The following POGK variants were observed in gnomAD, a reference collection of about 807,000 sequenced individuals.
POGK encodes the protein pogo transposable element derived with KRAB domain.
Under a neutral mutation model 54.4 loss-of-function variants are expected in POGK, and 16 were observed. That is an observed-to-expected ratio of 0.29 (90% CI 0.20 to 0.45). POGK has a LOEUF of 0.45. Among genes scored for constraint, POGK ranks in the 20% least tolerant of loss-of-function variants. The probability of loss-of-function intolerance (pLI) is 1.00; values close to 1 mark genes in which losing one functional copy is unlikely to be tolerated. For synonymous variants in POGK, 271 were observed against 302.2 expected (o/e 0.90, Z 1.07); for missense variants, 515 against 795.6 (o/e 0.65, Z 4.24).
rs1306487257 is a variant in POGK, at chr1:166,846,695, C to T, written c.216C>T (p.Tyr72=). Residue 72 remains tyrosine (Y), a synonymous_variant, in exon 3 of 6, where the codon TAC becomes TAT. Coordinates refer to ENST00000367876, the MANE Select transcript of POGK (RefSeq NM_017542.5). ...EVLTEQQKAL[Y]REVMRMNYET... is the part of the protein sequence containing the mutation. The stretch of plus-strand genomic sequence containing the variant: ...TGACGGAGCAACAAAAGGCCCTCTA[C>T]CGGGAAGTCATGAGGATGAATTATG... The T allele has an allele frequency of 6.2e-7, 1 of 1,614,044 alleles. No homozygotes were observed. The highest frequency in any genetic ancestry group is 1.3e-5 in the African/African-American group (1 of 74,896).
rs1182668742 is a variant in POGK, at chr1:166,849,573, C to G, written c.994C>G (p.Pro332Ala). 4.3e-6 allele frequency: 7 copies of G among 1,614,162 alleles called. No homozygotes were observed. The African/African-American group carries it at 9.3e-5, about 22-fold the overall frequency. ...TAAAGTGCCCGTGCCCCAGCACCTG[C>G]CGGAAGACCTGACTGAGAAACTCGT... ...RHKVPVPQHL[P>A]EDLTEKLVTY... is the part of the protein sequence containing the mutation. The change falls in exon 5 of 6, where the codon CCG (proline) becomes GCG (alanine). Residue 332 changes from proline to alanine, a missense_variant. Physicochemically the swap from Pro to Ala is conservative, Grantham distance 27. Transcript: ENST00000367876.
intron 2 of POGK, among the ~76,000 whole-genome samples, chr1:166,844,197 G>T (rs1157623662): frequency 1.3e-5 from 2 of 152,190 alleles, no homozygotes; most frequent in Non-Finnish European, 2.9e-5. Flanking sequence ...TCTTCCTGCA[G>T]CTTCAGGGCT....
chr1:166,844,624 A>G (rs764039067), intron 2 of POGK, among the ~76,000 whole-genome samples: 9 of 152,238 alleles, frequency 5.9e-5, no homozygotes, highest in African/African-American at 1.9e-4. Flanking sequence ...GAGAAGGGAA[A>G]TCCAGAGATT....
rs908874759 is a variant in POGK, at chr1:166,854,249, G to A, written c.*1679G>A. The A allele has an allele frequency of 6.6e-6, 1 of 152,620 alleles. No homozygotes were observed. The highest frequency in any genetic ancestry group is 2.4e-5 in the African/African-American group (1 of 41,444). The allele number at this position is 152,620 out of a possible 1,614,324, so 9.5% of individuals were successfully genotyped here. On this transcript the variant is annotated 3_prime_UTR_variant, in exon 6 of 6. Coordinates refer to ENST00000367876, the MANE Select transcript of POGK (RefSeq NM_017542.5). Reference sequence around the variant, plus strand: ...GCTGAGCGATGATGCCTTACAGGTTGCATAGCACTGGAACTTTCCTAGAGT... The same window carrying A: ...GCTGAGCGATGATGCCTTACAGGTTACATAGCACTGGAACTTTCCTAGAGT...
rs1658215853 is a variant in POGK, at chr1:166,854,653, T to C, written c.*2083T>C. On this transcript the variant is annotated 3_prime_UTR_variant, in exon 6 of 6. Transcript: ENST00000367876. ...CTGTGAAGACACAGGGAAGAACGTG[T>C]GCAGTGGGGCAAGTTTGACATAAAT... is the stretch of plus-strand genomic sequence containing the variant. 1.3e-5 allele frequency: 2 copies of C among 152,362 alleles called. No homozygotes were observed. Among genetic ancestry groups the C allele is most frequent in the Middle Eastern group, 3.4e-3 (1 of 294 alleles). 9.4% of individuals were successfully genotyped at this position (152,362 alleles called of 1,614,324 possible).
intron 5 of POGK, chr1:166,852,174 C>T (rs1326642844): frequency 6.6e-6 from 1 of 152,230 alleles, no homozygotes; most frequent in Non-Finnish European, 1.5e-5. Context: ...AACTGAATTA[C>T]ATTGAGTTTC....
chr1:166,849,773 C>G lies in POGK; in HGVS notation c.1194C>G (p.Ile398Met). The G allele has an allele frequency of 1.2e-6, 2 of 1,614,272 alleles. No individual in the cohort carries two copies. Among genetic ancestry groups the G allele is most frequent in the Non-Finnish European group, 1.7e-6 (2 of 1,180,062 alleles). Residue 398 changes from isoleucine to methionine, a missense_variant, in exon 5 of 6, where the codon ATC (isoleucine) becomes ATG (methionine). Ile to Met is a conservative substitution (Grantham distance 10, BLOSUM62 1). Transcript: ENST00000367876. The stretch of plus-strand genomic sequence containing the variant: ...CACCAGGCAGGGAAAAACTGAAAAT[C>G]ACAGCAATGCTTGGTGTCTTGGCTG... Reference protein sequence around the residue: ...VKTPGREKLKITAMLGVLADG... With the variant: ...VKTPGREKLKMTAMLGVLADG...
rs368794112 is a variant in POGK at position 166,850,241 on chromosome 1, G to T, written c.1662G>T (p.Ala554=). 2.6e-6 allele frequency: 4 copies of T among 1,559,608 alleles called. No individual in the cohort carries two copies. In the Admixed American group the frequency reaches 5.8e-5, roughly 23 times the overall value. The change falls in exon 5 of 6, where the codon GCG becomes GCT. Residue 554 remains alanine, a synonymous_variant. Coordinates refer to ENST00000367876, the MANE Select transcript of POGK (RefSeq NM_017542.5). ...TCTTTCTGGAGTGGGTCATGGTCGC[G>T]TGGAATAGCATCTCAAGTGAGTCCA... ...LGLFLEWVMV[A]WNSISSESIV...
rs1375051895 is a variant in POGK, at chr1:166,853,953, C to T, written c.*1383C>T. ...GTTGCCCCATTTGCTTTTACCTGTA[C>T]TGTATTCTTGGTCATCTCAAATGGC... On this transcript the variant is annotated 3_prime_UTR_variant, in exon 6 of 6. Transcript: ENST00000367876. 6.6e-6 allele frequency: 1 copy of T among 152,216 alleles called. No homozygotes were observed. The highest frequency in any genetic ancestry group is 1.5e-5 in the Non-Finnish European group (1 of 68,052). The allele number at this position is 152,216 out of a possible 1,614,324, so 9.4% of individuals were successfully genotyped here. A position where few individuals can be genotyped will look rare whatever the true frequency, so the allele number is the denominator to read the frequency against.
In POGK at chr1:166,849,027, T is replaced by C; in HGVS notation, c.448T>C (p.Phe150Leu). 1 of 1,614,188 alleles carries C rather than the reference T, an allele frequency of 6.2e-7. No homozygotes were observed. Among genetic ancestry groups the C allele is most frequent in the East Asian group, 2.2e-5 (1 of 44,864 alleles). Reference protein sequence around the residue: ...QFPQPQHFDSFGLRLPRDITE... With the variant: ...QFPQPQHFDSLGLRLPRDITE... Reference sequence around the variant, plus strand: ...TCCTCAGCCTCAGCACTTTGACAGCTTTGGCCTCCGTCTGCCTCGGGATAT... The same window carrying C: ...TCCTCAGCCTCAGCACTTTGACAGCCTTGGCCTCCGTCTGCCTCGGGATAT... Residue 150 changes from phenylalanine (F) to leucine (L), a missense_variant, in exon 5 of 6, where the codon TTT (phenylalanine) becomes CTT (leucine). Physicochemically the swap from Phe to Leu is conservative, Grantham distance 22 (BLOSUM62 0). Around this residue, in one of 2 missense-constraint regions of POGK, gnomAD observed 461 missense variants for 743.5 expected, o/e 0.62. Coordinates refer to ENST00000367876, the MANE Select transcript of POGK (RefSeq NM_017542.5).
At chr1:166,847,871 TA>T (rs754157400) in intron 4 of POGK, among the ~76,000 whole-genome samples, 4 of 152,182 alleles carry the variant, frequency 2.6e-5, no homozygotes, top group African/African-American at 4.8e-5. Flanking sequence ...GCATTTGGTC[TA>T]GTGCACCTTC....
Position 166,849,108 on chromosome 1 carries a change from C to T in POGK, c.529C>T (p.Pro177Ser), listed in dbSNP as rs781090181. 6.2e-7 allele frequency: 1 copy of T among 1,614,142 alleles called. No homozygotes were observed. Among genetic ancestry groups the T allele is most frequent in the Non-Finnish European group, 8.5e-7 (1 of 1,180,022 alleles). Residue 177 changes from proline (P) to serine (S), a missense_variant, in exon 5 of 6, where the codon CCA becomes TCA. Pro to Ser is a moderately conservative substitution (Grantham distance 74). Around this residue, in one of 2 missense-constraint regions of POGK, gnomAD observed 461 missense variants for 743.5 expected, o/e 0.62. Transcript: ENST00000367876. ...GYPFYMAMGF[P>S]GYDLSADDIA... ...CCCCTTCTACATGGCCATGGGCTTC[C>T]CAGGGTATGACCTCTCGGCTGATGA...
chr1:166,844,376 A>T (rs1457919367), intron 2 of POGK, among the ~76,000 whole-genome samples: 1 of 152,222 alleles, frequency 6.6e-6, no homozygotes, highest in Non-Finnish European at 1.5e-5. Flanking sequence ...GGGAGAAAAA[A>T]AGGCCAAAGA....
At chr1:166,842,132 C>T (rs761066213) in intron 2 of POGK, among the ~76,000 whole-genome samples, 3 of 152,174 alleles carry the variant, frequency 2.0e-5, no homozygotes, top group Non-Finnish European at 2.9e-5. Flanking sequence ...TCCAAGCAGG[C>T]GTCAGGTCTA....
rs1658246911 is a variant in POGK at position 166,855,601 on chromosome 1, A to G, written c.*3031A>G. On this transcript the variant is annotated 3_prime_UTR_variant, in exon 6 of 6. Transcript: ENST00000367876. ...ATGGAGAGCAGATAGTAGAGTGTAG[A>G]CCTGAAATACATGAGGCAAAGGCAG... is the stretch of plus-strand genomic sequence containing the variant. 1 of 152,268 alleles carries G rather than the reference A, an allele frequency of 6.6e-6. No individual in the cohort carries two copies. Among genetic ancestry groups the G allele is most frequent in the African/African-American group, 2.4e-5 (1 of 41,456 alleles). The allele number at this position is 152,268 out of a possible 1,614,324, so 9.4% of individuals were successfully genotyped here. A position where few individuals can be genotyped will look rare whatever the true frequency, so the allele number is the denominator to read the frequency against.
chr1:166,846,832 C>T, intron 3 of POGK, 94 bp downstream of exon 3: 3 of 1,506,468 alleles, frequency 2.0e-6, no homozygotes, highest in Non-Finnish European at 2.7e-6. Flanking sequence ...GTCCCTCTCT[C>T]CTGAACTTAG....
Position 166,850,033 on chromosome 1 carries a change from T to C in POGK, c.1454T>C (p.Met485Thr), listed in dbSNP as rs1219724939. The C allele has an allele frequency of 6.2e-7, 1 of 1,614,058 alleles. No individual in the cohort carries two copies. Among genetic ancestry groups the C allele is most frequent in the African/African-American group, 1.3e-5 (1 of 74,916 alleles). The change falls in exon 5 of 6, where the codon ATG becomes ACG. Residue 485 changes from methionine to threonine, a missense_variant. Met to Thr is a moderately conservative substitution (Grantham distance 81). Transcript: ENST00000367876. ...GCCACAGATTCCGTGAAGAACTCCATGGAAAGCATGAACACTGACATGGTG... is the reference window on the plus strand; with the variant it reads ...GCCACAGATTCCGTGAAGAACTCCACGGAAAGCATGAACACTGACATGGTG... The part of the protein sequence containing the change: ...GHATDSVKNS[M>T]ESMNTDMVII...
At chr1:166,846,540 G>A in intron 2 of POGK, 72 bp from the exon 3 acceptor site, 2 of 1,588,882 alleles carry the variant, frequency 1.3e-6, no homozygotes, top group Non-Finnish European at 1.7e-6. Context: ...CTGTCTGTAA[G>A]GTCCTGTCCG....
chr1:166,842,410 A>G (rs1280851174), intron 2 of POGK, among the ~76,000 whole-genome samples: 1 of 152,254 alleles, frequency 6.6e-6, no homozygotes, highest in Non-Finnish European at 1.5e-5. Context: ...ATCCATCCAC[A>G]GTTACCAAGC....
Sources: gnomAD v4.1 joint callset for allele counts (sites outside exome capture counted in the v4.1 genomes callset) on GRCh38, gnomAD v4.1.1 for gene constraint, gnomAD v4.1.1 regional missense constraint, MANE v1.5 for transcripts, NCBI Gene and HGNC (gene_info 2026-07-23, HGNC 2026-07-21) for gene names.